Variants in SCUBE1 observed in about 807,000 individuals in gnomAD.
The protein encoded by SCUBE1 is signal peptide, CUB and EGF-like domain-containing protein 1.
Under a neutral mutation model 124.4 loss-of-function variants are expected in SCUBE1, and 59 were observed. That is an observed-to-expected ratio of 0.47 (90% CI 0.38 to 0.59). The LOEUF (loss-of-function observed/expected upper bound fraction) is 0.59, where lower values mean the gene tolerates loss of function less well. Ranked by LOEUF, SCUBE1 falls within the 20% of genes least tolerant of loss-of-function variation. The probability of loss-of-function intolerance (pLI) is 0.00; values close to 1 mark genes in which losing one functional copy is unlikely to be tolerated. For missense variants in SCUBE1, 1,150 were observed against 1,371.2 expected (o/e 0.84, Z 2.55); for synonymous variants, 545 against 550.9 (o/e 0.99, Z 0.15).
rs1386635981 is a variant in SCUBE1, at chr22:43,320,054, A to G, written c.232T>C (p.Cys78Arg). 1.2e-6 allele frequency: 2 copies of G among 1,613,928 alleles called. No homozygotes were observed. The highest frequency in any genetic ancestry group is 1.7e-6 in the Non-Finnish European group (2 of 1,179,916). Residue 78 changes from cysteine (C) to arginine (R), a missense_variant, in exon 3 of 22, where the codon TGT becomes CGT. Cys to Arg is a radical substitution (Grantham distance 180, BLOSUM62 -3). Transcript: ENST00000360835. ...CCCCCATTGTAGTAGTCATTCTCAC[A>G]CTCGTCAATGTCTGCAAAAGGAAGG... ...EGKQCEDIDE[C>R]ENDYYNGGCV...
rs149959363 is a variant in SCUBE1, at chr22:43,247,074, C to T, written c.728-8120G>A. ...GACCTGACTGAGGCCAGGCTGGCTC[C>T]GGGCTTCTTGTCTCACTGTCTGGGA... On this transcript the variant is annotated intron_variant, in intron 6 of 21. Coordinates refer to ENST00000360835, the MANE Select transcript of SCUBE1 (RefSeq NM_173050.5). Among the ~76,000 whole-genome samples, 791 of 152,336 alleles carry T rather than the reference C, an allele frequency of 5.2e-3. 8 individuals are homozygous for T. Among genetic ancestry groups the T allele is most frequent in the African/African-American group, 0.018 (767 of 41,566 alleles).
chr22:43,207,082 C>G (rs1921321168), intron 21 of SCUBE1, among the ~76,000 whole-genome samples: 2 of 152,176 alleles, frequency 1.3e-5, no homozygotes, highest in Admixed American at 1.3e-4. Context: ...TGGCCAGTAC[C>G]CACCATGTGA....
At chr22:43,294,210 C>T (rs1001540086) in intron 3 of SCUBE1, among the ~76,000 whole-genome samples, 3 of 152,248 alleles carry the variant, frequency 2.0e-5, no homozygotes, top group East Asian at 1.9e-4. Context: ...CCCCGGCCCC[C>T]GAGGAGGGGA....
At chr22:43,271,007 C>A (rs1280049989) in intron 4 of SCUBE1, among the ~76,000 whole-genome samples, 1 of 152,236 alleles carries the variant, frequency 6.6e-6, no homozygotes, top group African/African-American at 2.4e-5. Flanking sequence ...CCGCCCTGCA[C>A]AACCCCCGCT....
At chr22:43,321,093 G>A (rs1373824189) in intron 2 of SCUBE1, among the ~76,000 whole-genome samples, 2 of 152,238 alleles carry the variant, frequency 1.3e-5, no homozygotes, top group East Asian at 1.9e-4. Context: ...GTCCCCCACA[G>A]GGGAACTGGA....
At chr22:43,262,267 T>C (rs1337930661) in intron 5 of SCUBE1, among the ~76,000 whole-genome samples, 1 of 152,214 alleles carries the variant, frequency 6.6e-6, no homozygotes, top group African/African-American at 2.4e-5. Flanking sequence ...AAGCTGGGAC[T>C]ATAGGTGTGC....
chr22:43,212,279 A>G, intron 17 of SCUBE1, 146 bp downstream of exon 17: 1 of 882,344 alleles, frequency 1.1e-6, no homozygotes, highest in Non-Finnish European at 1.7e-6. Context: ...TGGGTCACCC[A>G]CGCCCACGCC....
intron 1 of SCUBE1, among the ~76,000 whole-genome samples, chr22:43,339,613 AT>A (rs1569037810): frequency 1.2e-3 from 129 of 104,984 alleles, no homozygotes; most frequent in Middle Eastern, 6.5e-3. Flanking sequence ...TCCTCACTCT[AT>A]CCCCTACTCT....
chr22:43,337,106 C>T (rs981668233), intron 2 of SCUBE1, among the ~76,000 whole-genome samples: 4 of 152,172 alleles, frequency 2.6e-5, no homozygotes, highest in Non-Finnish European at 5.9e-5. Flanking sequence ...CACAAGCCTC[C>T]TCTTGTCTCA....
intron 6 of SCUBE1, among the ~76,000 whole-genome samples, chr22:43,247,219 C>T (rs1175098426): frequency 6.6e-6 from 1 of 152,214 alleles, no homozygotes; most frequent in Non-Finnish European, 1.5e-5. Context: ...ACGGGCCACA[C>T]ACAGGGCCAG....
intron 3 of SCUBE1, among the ~76,000 whole-genome samples, chr22:43,305,989 G>A (rs1925954873): frequency 6.6e-6 from 1 of 152,212 alleles, no homozygotes; most frequent in Non-Finnish European, 1.5e-5. Flanking sequence ...AGGGCAGCCT[G>A]ATGCACAGGC....
chr22:43,310,325 C>T (rs889034378), intron 3 of SCUBE1, among the ~76,000 whole-genome samples: 1 of 152,126 alleles, frequency 6.6e-6, no homozygotes, highest in African/African-American at 2.4e-5. Context: ...CCTCTGTTAC[C>T]CCCCTCATTG....
chr22:43,271,067 C>T (rs760102753), intron 4 of SCUBE1, among the ~76,000 whole-genome samples: 3 of 152,188 alleles, frequency 2.0e-5, no homozygotes, highest in Non-Finnish European at 2.9e-5. Flanking sequence ...GCCTGGGACA[C>T]GCTCTCGCCC....
At chr22:43,277,704 G>A (rs944809326) in intron 4 of SCUBE1, among the ~76,000 whole-genome samples, 1 of 152,238 alleles carries the variant, frequency 6.6e-6, no homozygotes. Flanking sequence ...GATGACTCGT[G>A]TCAGAGTCTA....
intron 6 of SCUBE1, among the ~76,000 whole-genome samples, chr22:43,244,181 C>T (rs756609259): frequency 7.9e-5 from 12 of 152,192 alleles, no homozygotes; most frequent in Non-Finnish European, 1.8e-4. Flanking sequence ...TGCCCCGCCA[C>T]ACCCCAGCAC....
At chr22:43,227,678 C>A (rs1922380984) in intron 9 of SCUBE1, among the ~76,000 whole-genome samples, 182 bp from the exon 10 acceptor site, 1 of 152,186 alleles carries the variant, frequency 6.6e-6, no homozygotes, top group Non-Finnish European at 1.5e-5. Context: ...TATAAGGCTC[C>A]TCACAGACCC....
chr22:43,208,726 T>G (rs1401811612), intron 19 of SCUBE1, among the ~76,000 whole-genome samples: 1 of 152,146 alleles, frequency 6.6e-6, no homozygotes, highest in African/African-American at 2.4e-5. Context: ...CAAGGCCCAC[T>G]GAGCCCTGAT....
In SCUBE1 at chr22:43,331,260, T is replaced by A. The variant is rs537383686; in HGVS notation, c.220+7844A>T. On this transcript the variant is annotated intron_variant, in intron 2 of 21. Transcript: ENST00000360835. ...TTCAGGAAGTGATTATTTACATTCA[T>A]TACATACATGCTAATTTTGTGATAT... Among the ~76,000 whole-genome samples, 266 of 152,316 alleles carry A rather than the reference T, an allele frequency of 1.7e-3. 1 individual carries two copies. Among genetic ancestry groups the A allele is most frequent in the African/African-American group, 5.9e-3 (246 of 41,564 alleles).
chr22:43,261,295 G>C (rs1166269234), intron 5 of SCUBE1, among the ~76,000 whole-genome samples: 1 of 152,230 alleles, frequency 6.6e-6, no homozygotes, highest in African/African-American at 2.4e-5. Context: ...ACTTCCAATC[G>C]AGACTGCCCG....
Sources: allele counts gnomAD v4.1 joint callset (sites outside exome capture counted in the v4.1 genomes callset), GRCh38; gene constraint gnomAD v4.1.1; transcripts MANE v1.5; gene names NCBI Gene and HGNC (gene_info 2026-07-23, HGNC 2026-07-21).